EN1: variants seen among roughly 807,000 people sequenced by gnomAD.
The protein encoded by EN1 is homeobox protein engrailed-1.
EN1 carries 8 observed loss-of-function variants against 22.9 expected under a neutral mutation model. The ratio of observed to expected loss-of-function variants is 0.35; its 90% CI spans 0.20 to 0.63. The LOEUF (loss-of-function observed/expected upper bound fraction) is 0.63. Among genes scored for constraint, EN1 ranks in the 20% least tolerant of loss-of-function variants. EN1 has a pLI of 0.73. For synonymous variants in EN1, 287 were observed against 262.5 expected (o/e 1.09, Z -0.90); for missense variants, 521 against 572.1 (o/e 0.91, Z 0.91).
intron 1 of EN1, among the ~76,000 whole-genome samples, chr2:118,844,603 T>A (rs963050317): frequency 1.3e-5 from 2 of 152,172 alleles, no homozygotes; most frequent in African/African-American, 4.8e-5. Context: ...GGCCTGTTCA[T>A]CTCTAAAACT....
At position 118,846,358 on chromosome 2, in the gene EN1, G is replaced by A. The variant is rs781585814; in HGVS notation, c.810C>T (p.Leu270=). Residue 270 remains leucine, a synonymous_variant, in exon 1 of 2, where the codon CTC becomes CTT. Transcript: ENST00000295206. This position sits in a 1 kb window ranked among gnomAD's most constrained non-coding sequence, Gnocchi z 5.0. ...TGCAGTACACCCAGGCGGGCCATAC[G>A]AGAGGCTGCTGCGAGTCAGTTTTGA... is the stretch of plus-strand genomic sequence containing the variant. ...PVVKTDSQQP[L]VWPAWVYCTR... 44 of 1,612,774 alleles carry A rather than the reference G, an allele frequency of 2.7e-5. No homozygotes were observed. The highest frequency in any genetic ancestry group is 3.7e-5 in the Non-Finnish European group (44 of 1,179,806).
Position 118,843,028 on chromosome 2 carries a change from G to T in EN1, c.1089C>A (p.Gly363=), listed in dbSNP as rs201019085. 3.1e-6 allele frequency: 5 copies of T among 1,614,158 alleles called. No homozygotes were observed. The East Asian group carries it at 8.9e-5, about 29-fold the overall frequency. Residue 363 remains glycine, a synonymous_variant, in exon 2 of 2, where the codon GGC becomes GGA. Transcript: ENST00000295206. Reference sequence around the variant, plus strand: ...GGTGCAGCGCCAGGCCGTTCTTGATGCCTGTGGCTTTCTTGATCTTGGCGC... The same window carrying T: ...GGTGCAGCGCCAGGCCGTTCTTGATTCCTGTGGCTTTCTTGATCTTGGCGC... ...NKRAKIKKAT[G]IKNGLALHLM...
Position 118,846,544 on chromosome 2 carries a change from T to A in EN1, c.624A>T (p.Ala208=). Reference sequence around the variant, plus strand: ...CTGCGGCCGCCGCCGCCGCCGCCACTGCCGCCGCGGCCGCCGCCGCCGCCG... The same window carrying A: ...CTGCGGCCGCCGCCGCCGCCGCCACAGCCGCCGCGGCCGCCGCCGCCGCCG... ...PAAAAAAAAA[A]VAAAAAAAAA... is the part of the protein sequence containing the mutation. The change falls in exon 1 of 2, where the codon GCA becomes GCT. Residue 208 remains alanine (A), a synonymous_variant. Coordinates refer to ENST00000295206, the MANE Select transcript of EN1 (RefSeq NM_001426.4). This position sits in a 1 kb window ranked among gnomAD's most constrained non-coding sequence, Gnocchi z 5.0. 1 of 1,189,620 alleles carries A rather than the reference T, an allele frequency of 8.4e-7. No individual in the cohort carries two copies. Among genetic ancestry groups the A allele is most frequent in the Non-Finnish European group, 1.0e-6 (1 of 962,916 alleles). The allele number at this position is 1,189,620 out of a possible 1,614,324, so 73.7% of individuals were successfully genotyped here.
In EN1 at chr2:118,847,164, C is replaced by T. The variant is rs1273430728; in HGVS notation, c.4G>A (p.Glu2Lys). The T allele has an allele frequency of 6.0e-6, 6 of 997,038 alleles. No individual in the cohort carries two copies. Among genetic ancestry groups the T allele is most frequent in the African/African-American group, 3.4e-5 (2 of 58,126 alleles). 61.8% of individuals were successfully genotyped at this position (997,038 alleles called of 1,614,324 possible). A position where few individuals can be genotyped will look rare whatever the true frequency, so the allele number is the denominator to read the frequency against. Residue 2 changes from glutamate to lysine, a missense_variant, in exon 1 of 2, where the codon GAA becomes AAA. Physicochemically the swap from Glu to Lys is moderately conservative, Grantham distance 56. Coordinates refer to ENST00000295206, the MANE Select transcript of EN1 (RefSeq NM_001426.4). MEEQQPEPKSQR... is the reference protein window; with the variant it reads MKEQQPEPKSQR... ...CTTTTAGGTTCCGGCTGCTGTTCTTCCATGCTCGGCCGCCCCGCCGCCCCG... is the reference window on the plus strand; with the variant it reads ...CTTTTAGGTTCCGGCTGCTGTTCTTTCATGCTCGGCCGCCCCGCCGCCCCG...
rs544035952 is a variant in EN1 at position 118,847,002 on chromosome 2, G to C, written c.166C>G (p.Pro56Ala). 1.9e-3 allele frequency: 2,616 copies of C among 1,362,980 alleles called. 7 individuals carry two copies. Among genetic ancestry groups the C allele is most frequent in the Non-Finnish European group, 2.3e-3 (2,456 of 1,068,230 alleles). The allele number at this position is 1,362,980 out of a possible 1,614,324, so 84.4% of individuals were successfully genotyped here. The change falls in exon 1 of 2, where the codon CCC becomes GCC. Residue 56 changes from proline to alanine, a missense_variant. By Grantham distance (27) the Pro-to-Ala change is conservative. Around this residue, in one of 3 missense-constraint regions of EN1, gnomAD observed 436 missense variants for 410.1 expected, o/e 1.06. Coordinates refer to ENST00000295206, the MANE Select transcript of EN1 (RefSeq NM_001426.4). ...CAAGGCGCCGCGGGCGGCGAGGGGG[G>C]CGCAGGCTGCGGGGACACCGGCACG... ...DSVPVSPQPA[P>A]PSPPAAPCLP...
chr2:118,845,289 G>C (rs558521430), intron 1 of EN1, among the ~76,000 whole-genome samples: 1 of 152,196 alleles, frequency 6.6e-6, no homozygotes, highest in Non-Finnish European at 1.5e-5. Flanking sequence ...GCCGGACCGG[G>C]TGTCTGGAGT....
chr2:118,842,772 C>A lies in EN1; in HGVS notation c.*166G>T. 2 of 1,196,694 alleles carry A rather than the reference C, an allele frequency of 1.7e-6. No homozygotes were observed. Among genetic ancestry groups the A allele is most frequent in the Admixed American group, 3.0e-5 (1 of 33,436 alleles). 74.1% of individuals were successfully genotyped at this position (1,196,694 alleles called of 1,614,324 possible). ...TCTTTCTCCCTTTTCAAAAATGCTG[C>A]GTTTCAACGTCATTGTCCATTCTGA... On this transcript the variant is annotated 3_prime_UTR_variant, in exon 2 of 2. Coordinates refer to ENST00000295206, the MANE Select transcript of EN1 (RefSeq NM_001426.4).
At position 118,844,773 on chromosome 2, in the gene EN1, G is replaced by A. The variant is rs191457137; in HGVS notation, c.863-1519C>T. 1.7e-4 allele frequency among the ~76,000 whole-genome samples: 26 copies of A among 152,288 alleles called. No individual in the cohort carries two copies. In the East Asian group the frequency reaches 4.8e-3, roughly 28 times the overall value. ...TGCAGCGACTCAGATCTGGGTCGAG[G>A]CTCATCCCCTCCTCCCCCAACTGCC... On this transcript the variant is annotated intron_variant, in intron 1 of 1. Coordinates refer to ENST00000295206, the MANE Select transcript of EN1 (RefSeq NM_001426.4).
rs1678264616 is a variant in EN1 at position 118,846,181 on chromosome 2, A to G, written c.862+125T>C. On this transcript the variant is annotated intron_variant, in intron 1 of 1. Transcript: ENST00000295206. This position sits in a 1 kb window ranked among gnomAD's most constrained non-coding sequence, Gnocchi z 5.0. Reference sequence around the variant, plus strand: ...TTCGGTTGTGACTGGAACTGGGGTGAGGAAGCAGGCGTGAGAGACTGGAGT... The same window carrying G: ...TTCGGTTGTGACTGGAACTGGGGTGGGGAAGCAGGCGTGAGAGACTGGAGT... The G allele has an allele frequency of 1.4e-6, 2 of 1,409,504 alleles. No individual in the cohort carries two copies. Among genetic ancestry groups the G allele is most frequent in the Non-Finnish European group, 1.9e-6 (2 of 1,048,538 alleles). The allele number at this position is 1,409,504 out of a possible 1,614,324, so 87.3% of individuals were successfully genotyped here. A position where few individuals can be genotyped will look rare whatever the true frequency, so the allele number is the denominator to read the frequency against.
Position 118,846,544 on chromosome 2 carries a change from T to G in EN1, c.624A>C (p.Ala208=). 1 of 1,189,620 alleles carries G rather than the reference T, an allele frequency of 8.4e-7. No individual in the cohort carries two copies. The highest frequency in any genetic ancestry group is 1.0e-6 in the Non-Finnish European group (1 of 962,916). The allele number at this position is 1,189,620 out of a possible 1,614,324, so 73.7% of individuals were successfully genotyped here. Residue 208 remains alanine (A), a synonymous_variant, in exon 1 of 2, where the codon GCA becomes GCC. Coordinates refer to ENST00000295206, the MANE Select transcript of EN1 (RefSeq NM_001426.4). This position sits in a 1 kb window ranked among gnomAD's most constrained non-coding sequence, Gnocchi z 5.0. ...CTGCGGCCGCCGCCGCCGCCGCCAC[T>G]GCCGCCGCGGCCGCCGCCGCCGCCG... is the stretch of plus-strand genomic sequence containing the variant. ...PAAAAAAAAA[A]VAAAAAAAAA... is the part of the protein sequence containing the mutation.
chr2:118,843,354 G>A, intron 1 of EN1, 100 bp from the exon 2 acceptor site: 1 of 1,059,746 alleles, frequency 9.4e-7, no homozygotes. Context: ...GCATTGCCGA[G>A]CTGGGCCGCG....
Position 118,847,215 on chromosome 2 carries a change from C to G in EN1, c.-48G>C, listed in dbSNP as rs899544584. The stretch of plus-strand genomic sequence containing the variant: ...GCCGCCGCGCCGGCCCCCGCCCCCA[C>G]CGCCTCGCTCCCCACCCCACTTTGC... On this transcript the variant is annotated 5_prime_UTR_variant, in exon 1 of 2. Coordinates refer to ENST00000295206, the MANE Select transcript of EN1 (RefSeq NM_001426.4). The G allele has an allele frequency of 2.1e-5, 12 of 562,508 alleles. No individual in the cohort carries two copies. The highest frequency in any genetic ancestry group is 3.4e-5 in the Non-Finnish European group (12 of 356,510). 34.8% of individuals were successfully genotyped at this position (562,508 alleles called of 1,614,324 possible).
intron 1 of EN1, chr2:118,844,451 C>T (rs1028964348): frequency 6.6e-6 from 1 of 152,190 alleles, no homozygotes. Flanking sequence ...GCGGGAAAAC[C>T]AGGAGAGGAT....
Position 118,846,490 on chromosome 2 carries a change from G to C in EN1, c.678C>G (p.Gly226=), listed in dbSNP as rs759684351. ...GGCTCCCCGCGCCGCCTCCACTGCC[G>C]CCGCCACCGGTGTCCGAGGGCTTGG... ...AAAKPSDTGG[G]GSGGGAGSPG... is the part of the protein sequence containing the mutation. The change falls in exon 1 of 2, where the codon GGC becomes GGG. Residue 226 remains glycine (G), a synonymous_variant. Transcript: ENST00000295206. The surrounding 1 kb of genome is among the most constrained non-coding windows in gnomAD (Gnocchi z 5.0). 6.3e-7 allele frequency: 1 copy of C among 1,577,592 alleles called. No homozygotes were observed. The highest frequency in any genetic ancestry group is 8.6e-7 in the Non-Finnish European group (1 of 1,164,684).
Position 118,846,368 on chromosome 2 carries a change from T to A in EN1, c.800A>T (p.Gln267Leu), listed in dbSNP as rs756643647. The A allele has an allele frequency of 6.2e-7, 1 of 1,612,510 alleles. No individual in the cohort carries two copies. ...NGGPVVKTDS[Q>L]QPLVWPAWVY... The stretch of plus-strand genomic sequence containing the variant: ...CCAGGCGGGCCATACGAGAGGCTGC[T>A]GCGAGTCAGTTTTGACCACGGGCCC... The change falls in exon 1 of 2, where the codon CAG becomes CTG. Residue 267 changes from glutamine to leucine, a missense_variant. This residue lies in a region of EN1 where 436 missense variants were observed against 410.1 expected (regional missense o/e 1.06). Coordinates refer to ENST00000295206, the MANE Select transcript of EN1 (RefSeq NM_001426.4). This position sits in a 1 kb window ranked among gnomAD's most constrained non-coding sequence, Gnocchi z 5.0.
In EN1 at chr2:118,842,879, C is replaced by T. The variant is rs189344595; in HGVS notation, c.*59G>A. ...GATGCTTTCTCCCCCAGCGAGGGGCCGGGAGACGACGGCGGCGGTGCCGGG... is the reference window on the plus strand; with the variant it reads ...GATGCTTTCTCCCCCAGCGAGGGGCTGGGAGACGACGGCGGCGGTGCCGGG... On this transcript the variant is annotated 3_prime_UTR_variant, in exon 2 of 2. Coordinates refer to ENST00000295206, the MANE Select transcript of EN1 (RefSeq NM_001426.4). The T allele has an allele frequency of 1.1e-3, 1,654 of 1,547,342 alleles. 1 individual carries two copies. The highest frequency in any genetic ancestry group is 1.3e-3 in the Non-Finnish European group (1,531 of 1,145,552).
Position 118,846,357 on chromosome 2 carries a change from C to T in EN1, c.811G>A (p.Val271Ile). ...VVKTDSQQPL[V>I]WPAWVYCTRY... ...GTGCAGTACACCCAGGCGGGCCATA[C>T]GAGAGGCTGCTGCGAGTCAGTTTTG... is the stretch of plus-strand genomic sequence containing the variant. Residue 271 changes from valine (V) to isoleucine (I), a missense_variant, in exon 1 of 2, where the codon GTA (valine) becomes ATA (isoleucine). Coordinates refer to ENST00000295206, the MANE Select transcript of EN1 (RefSeq NM_001426.4). The surrounding 1 kb of genome is among the most constrained non-coding windows in gnomAD (Gnocchi z 5.0). 2.5e-6 allele frequency: 4 copies of T among 1,612,628 alleles called. No homozygotes were observed. The highest frequency in any genetic ancestry group is 2.5e-6 in the Non-Finnish European group (3 of 1,179,684).
At position 118,847,531 on chromosome 2, in the gene EN1, A is replaced by G. The variant is rs1036938871; in HGVS notation, c.-364T>C. On this transcript the variant is annotated 5_prime_UTR_variant, in exon 1 of 2. Transcript: ENST00000295206. ...AAAAGAAAAGGAAAAAGAAAGCAAG[A>G]AAAAAAGCTCCAATAATTTTTTTCT... is the stretch of plus-strand genomic sequence containing the variant. The G allele has an allele frequency of 5.6e-6, 1 of 178,412 alleles. No homozygotes were observed. The highest frequency in any genetic ancestry group is 1.4e-4 in the East Asian group (1 of 6,990). 11.1% of individuals were successfully genotyped at this position (178,412 alleles called of 1,614,324 possible).
In EN1 at chr2:118,843,260, G is replaced by GCGGCGGAGAGGGC; in HGVS notation, c.863-19_863-7dup. 1.4e-6 allele frequency: 2 copies of GCGGCGGAGAGGGC among 1,464,022 alleles called. No homozygotes were observed. Among genetic ancestry groups the GCGGCGGAGAGGGC allele is most frequent in the Non-Finnish European group, 1.8e-6 (2 of 1,096,338 alleles). 90.7% of individuals were successfully genotyped at this position (1,464,022 alleles called of 1,614,324 possible). On this transcript the variant is annotated splice_region_variant and splice_polypyrimidine_tract_variant and intron_variant, in intron 1 of 1. Transcript: ENST00000295206. Reference sequence around the variant, plus strand: ...CAGCTTCCTGGTGCGCGGACCTGCAGCGGCGGAGAGGGCCGGGGTGGGGTG... The same window carrying GCGGCGGAGAGGGC: ...CAGCTTCCTGGTGCGCGGACCTGCAGCGGCGGAGAGGGCCGGCGGAGAGGGCCGGGGTGGGGTG...
Sources: gnomAD v4.1 joint callset for allele counts (sites outside exome capture counted in the v4.1 genomes callset) on GRCh38, gnomAD v4.1.1 for gene constraint, gnomAD v4.1.1 regional missense constraint, Gnocchi (gnomAD v3.1) non-coding constraint, MANE v1.5 for transcripts, NCBI Gene and HGNC (gene_info 2026-07-23, HGNC 2026-07-21) for gene names.